Variants in PTPRD observed in about 807,000 individuals in gnomAD.
PTPRD encodes the protein receptor-type tyrosine-protein phosphatase delta.
PTPRD carries 34 observed loss-of-function variants against 214.5 expected under a neutral mutation model. The observed-to-expected ratio is 0.16, with a 90% confidence interval of 0.12 to 0.21. The LOEUF (loss-of-function observed/expected upper bound fraction) is 0.21. Ranked by LOEUF, PTPRD falls within the 10% of genes least tolerant of loss-of-function variation. PTPRD has a pLI of 1.00. For synonymous variants in PTPRD, 1,128 were observed against 845.7 expected, an observed-to-expected ratio of 1.33 and a Z score of -5.79; for missense variants, 2,545 against 2,398.7, an observed-to-expected ratio of 1.06 and a Z score of -1.27.
intron 7 of PTPRD, among the ~76,000 whole-genome samples, chr9:9,703,313 T>A (rs1443918204): frequency 6.6e-6 from 1 of 152,142 alleles, no homozygotes; most frequent in Non-Finnish European, 1.5e-5. Flanking sequence ...AATTACCCAA[T>A]CTCAGGTATT....
intron 2 of PTPRD, among the ~76,000 whole-genome samples, chr9:10,389,147 G>C (rs1464689678): frequency 1.3e-5 from 2 of 151,812 alleles, no homozygotes; most frequent in Non-Finnish European, 2.9e-5. Context: ...TGCTTCAGCA[G>C]CTGTTATGTG....
chr9:8,885,488 CTTTTTTTTTT>C (rs35568734), intron 11 of PTPRD, among the ~76,000 whole-genome samples: 8 of 93,314 alleles, frequency 8.6e-5, no homozygotes, highest in Non-Finnish European at 1.5e-4. Flanking sequence ...CACACAGCCT[CTTTTTTTTTT>C]TTTTTTTTTT....
rs185131437 is a variant in PTPRD at position 9,411,810 on chromosome 9, T to A, written c.-236-14328A>T. Among the ~76,000 whole-genome samples, 736 of 152,188 alleles carry A rather than the reference T, an allele frequency of 4.8e-3. 3 individuals are homozygous for A. Among genetic ancestry groups the A allele is most frequent in the Middle Eastern group, 0.02 (6 of 294 alleles). ...CAGCACTATGCACACACAAAAAAGA[T>A]CCCTAGGGAATAAATGTGTGTTTTT... On this transcript the variant is annotated intron_variant, in intron 8 of 45. Coordinates refer to ENST00000381196, the MANE Select transcript of PTPRD (RefSeq NM_002839.4).
At chr9:8,772,261 T>C (rs7028203) in intron 11 of PTPRD, among the ~76,000 whole-genome samples, 7,233 of 152,244 alleles carry the variant, frequency 0.048, 432 homozygotes, top group African/African-American at 0.14. Flanking sequence ...TAATGTCTTG[T>C]TGGCTATTAA....
chr9:9,569,275 A>AG (rs2085587056), intron 8 of PTPRD, among the ~76,000 whole-genome samples: 2 of 150,238 alleles, frequency 1.3e-5, no homozygotes, highest in African/African-American at 2.5e-5. Flanking sequence ...TACAGAGCAG[A>AG]GGGGAAAAAA....
At position 10,407,425 on chromosome 9, in the gene PTPRD, C is replaced by G. The variant is rs150347454; in HGVS notation, c.-599-66408G>C. On this transcript the variant is annotated intron_variant, in intron 2 of 45. Transcript: ENST00000381196. ...ATTTTATTATAAACTTCCATGTATT[C>G]TAAGTATGAGATTTTGAAAAATGGA... Among the ~76,000 whole-genome samples, 95 of 151,472 alleles carry G rather than the reference C, an allele frequency of 6.3e-4. 2 individuals carry two copies. Among genetic ancestry groups the G allele is most frequent in the African/African-American group, 2.2e-3 (90 of 41,444 alleles).
intron 5 of PTPRD, among the ~76,000 whole-genome samples, chr9:9,861,988 G>C (rs1038612989): frequency 6.6e-6 from 1 of 152,102 alleles, no homozygotes; most frequent in Non-Finnish European, 1.5e-5. Flanking sequence ...GAGTAACAAT[G>C]TGATGGCCAT....
At chr9:9,483,887 G>T (rs1019122611) in intron 8 of PTPRD, among the ~76,000 whole-genome samples, 6 of 150,482 alleles carry the variant, frequency 4.0e-5, no homozygotes, top group Non-Finnish European at 8.8e-5. Context: ...CAACAAAACA[G>T]CAATAAAATC....
At chr9:8,713,246 A>G in intron 12 of PTPRD, 2 of 630,930 alleles carry the variant, frequency 3.2e-6, no homozygotes, top group South Asian at 1.8e-5. Flanking sequence ...TGAGTCTCCA[A>G]TTGTCCACTT....
intron 12 of PTPRD, among the ~76,000 whole-genome samples, chr9:8,714,034 T>C (rs2098402204): frequency 6.6e-6 from 1 of 152,262 alleles, no homozygotes; most frequent in Admixed American, 6.5e-5. Flanking sequence ...CAAGTCAGAG[T>C]ATCCTGGCAA....
At chr9:9,317,826 A>T (rs1281391585) in intron 9 of PTPRD, among the ~76,000 whole-genome samples, 2 of 152,138 alleles carry the variant, frequency 1.3e-5, no homozygotes, top group Non-Finnish European at 2.9e-5. Context: ...CTGATAGATT[A>T]TGTGCATTTT....
intron 10 of PTPRD, among the ~76,000 whole-genome samples, chr9:9,043,974 A>G (rs1319663400): frequency 6.6e-6 from 1 of 151,924 alleles, no homozygotes; most frequent in Non-Finnish European, 1.5e-5. Context: ...GTAAAATAAA[A>G]TAGAAAAACT....
chr9:8,633,636 T>C (rs2096328694), intron 13 of PTPRD, among the ~76,000 whole-genome samples, 178 bp from the exon 14 acceptor site: 1 of 152,074 alleles, frequency 6.6e-6, no homozygotes, highest in African/African-American at 2.4e-5. Flanking sequence ...AATCTTCTAC[T>C]GAACAAGGAG....
chr9:9,606,650 G>A (rs1218723139), intron 7 of PTPRD, among the ~76,000 whole-genome samples: 1 of 151,966 alleles, frequency 6.6e-6, no homozygotes, highest in Non-Finnish European at 1.5e-5. Flanking sequence ...ATTTTAGCCT[G>A]TAGAAAGGAC....
At chr9:8,560,275 C>G (rs2085645858) in intron 14 of PTPRD, among the ~76,000 whole-genome samples, 1 of 151,936 alleles carries the variant, frequency 6.6e-6, no homozygotes, top group Non-Finnish European at 1.5e-5. Context: ...TTTTTAAACT[C>G]CATGCAAATC....
chr9:9,764,552 G>T (rs960229525), intron 6 of PTPRD, among the ~76,000 whole-genome samples: 1 of 152,048 alleles, frequency 6.6e-6, no homozygotes, highest in African/African-American at 2.4e-5. Context: ...GGATGATTGA[G>T]ATTATTATTA....
chr9:10,057,069 G>C (rs2097665663), intron 3 of PTPRD, among the ~76,000 whole-genome samples: 1 of 152,096 alleles, frequency 6.6e-6, no homozygotes, highest in South Asian at 2.1e-4. Context: ...CAGCAAAGCT[G>C]GTTCCTAGTC....
intron 31 of PTPRD, among the ~76,000 whole-genome samples, chr9:8,470,701 A>G (rs543764640): frequency 6.6e-6 from 1 of 152,262 alleles, no homozygotes; most frequent in South Asian, 2.1e-4. Context: ...AATTCACTTC[A>G]CCTTCCACAC....
intron 4 of PTPRD, among the ~76,000 whole-genome samples, chr9:9,977,970 T>G (rs2095416113): frequency 6.6e-6 from 1 of 151,878 alleles, no homozygotes; most frequent in Non-Finnish European, 1.5e-5. Flanking sequence ...ATCTAGCACA[T>G]GGAAAGTGGG....
Sources: gnomAD v4.1 joint callset for allele counts (sites outside exome capture counted in the v4.1 genomes callset) on GRCh38, gnomAD v4.1.1 for gene constraint, MANE v1.5 for transcripts, NCBI Gene and HGNC (gene_info 2026-07-23, HGNC 2026-07-21) for gene names.